LCMT1: variants seen among roughly 807,000 people sequenced by gnomAD.
LCMT1 encodes the protein leucine carboxyl methyltransferase 1.
LCMT1 carries 32 observed loss-of-function variants against 47.7 expected under a neutral mutation model. That is an observed-to-expected ratio of 0.67 (90% CI 0.51 to 0.90). The LOEUF (loss-of-function observed/expected upper bound fraction) is 0.90, where lower values mean the gene tolerates loss of function less well. LCMT1 is among the 40% of genes least tolerant of loss of function. The pLI is 0.00. For missense variants in LCMT1, 375 were observed against 415.2 expected (o/e 0.90, Z 0.84); for synonymous variants, 152 against 149.7 (o/e 1.02, Z -0.11).
intron 1 of LCMT1, among the ~76,000 whole-genome samples, chr16:25,124,125 A>G (rs958098811): frequency 8.5e-5 from 13 of 152,228 alleles, no homozygotes; most frequent in Non-Finnish European, 5.9e-5. Flanking sequence ...CTGTCTCTCA[A>G]GAGTCCATTT....
intron 3 of LCMT1, among the ~76,000 whole-genome samples, chr16:25,138,205 G>A (rs1364294845): frequency 1.3e-5 from 2 of 152,222 alleles, no homozygotes; most frequent in African/African-American, 4.8e-5. Context: ...AGGCTATAGA[G>A]TGCCTTGTTT....
intron 2 of LCMT1, among the ~76,000 whole-genome samples, 162 bp downstream of exon 2, chr16:25,128,728 G>A (rs1400941089): frequency 6.6e-6 from 1 of 151,914 alleles, no homozygotes; most frequent in Non-Finnish European, 1.5e-5. Context: ...CTTGTTTGCA[G>A]CCATAAAAAG....
At chr16:25,159,638 C>T (rs529272966) in intron 5 of LCMT1, among the ~76,000 whole-genome samples, 32 of 152,194 alleles carry the variant, frequency 2.1e-4, no homozygotes, top group African/African-American at 7.7e-4. Flanking sequence ...CCTGCTTGCC[C>T]TTTATTGCTT....
At position 25,111,858 on chromosome 16, in the gene LCMT1, C is replaced by T. The variant is rs750116472; in HGVS notation, c.-26C>T. On this transcript the variant is annotated 5_prime_UTR_variant, in exon 1 of 11. Transcript: ENST00000399069. The stretch of plus-strand genomic sequence containing the variant: ...ACCCCGCTTCCATGTCCCTGGCGGA[C>T]ACAGCTCCCAGGAACCTCCACGCCC... 3 of 1,518,128 alleles carry T rather than the reference C, an allele frequency of 2.0e-6. No individual in the cohort carries two copies. Among genetic ancestry groups the T allele is most frequent in the East Asian group, 4.6e-5 (2 of 43,950 alleles). 94.0% of individuals were successfully genotyped at this position (1,518,128 alleles called of 1,614,324 possible).
intron 3 of LCMT1, among the ~76,000 whole-genome samples, chr16:25,134,554 G>A (rs188437121): frequency 6.6e-6 from 1 of 152,202 alleles, no homozygotes; most frequent in East Asian, 1.9e-4. Context: ...TTTTTCAGGA[G>A]GGTGACCTTC....
At chr16:25,171,422 A>G (rs766800126) in intron 9 of LCMT1, among the ~76,000 whole-genome samples, 3 of 152,046 alleles carry the variant, frequency 2.0e-5, no homozygotes, top group Non-Finnish European at 2.9e-5. Context: ...AAAAAAACAA[A>G]CAAACAAACA....
At chr16:25,118,243 C>T (rs979605422) in intron 1 of LCMT1, among the ~76,000 whole-genome samples, 1 of 152,092 alleles carries the variant, frequency 6.6e-6, no homozygotes, top group African/African-American at 2.4e-5. Flanking sequence ...AGCCTCACTT[C>T]ATACCACACT....
At chr16:25,151,701 G>GTGTGTGTT (rs1391090353) in intron 5 of LCMT1, 86 bp downstream of exon 5, 11 of 724,794 alleles carry the variant, frequency 1.5e-5, no homozygotes, top group East Asian at 2.8e-5. Flanking sequence ...TGTTGGGTGT[G>GTGTGTGTT]TGTGTGTGTG....
Position 25,137,941 on chromosome 16 carries a change from A to AC in LCMT1, c.328-2223dup, listed in dbSNP as rs72336437. Among the ~76,000 whole-genome samples, 26 of 151,102 alleles carry AC rather than the reference A, an allele frequency of 1.7e-4. No homozygotes were observed. The South Asian group carries it at 4.0e-3, about 23-fold the overall frequency. On this transcript the variant is annotated intron_variant, in intron 3 of 10. Coordinates refer to ENST00000399069, the MANE Select transcript of LCMT1 (RefSeq NM_016309.3). Reference sequence around the variant, plus strand: ...ACAGGAGGTCTGCTATGCCGCACTCACCCCCCCGGGATTCATCTGTCCCTC... The same window carrying AC: ...ACAGGAGGTCTGCTATGCCGCACTCACCCCCCCCGGGATTCATCTGTCCCTC...
intron 1 of LCMT1, among the ~76,000 whole-genome samples, chr16:25,127,301 AT>A (rs59386370): frequency 6.6e-6 from 1 of 152,206 alleles, no homozygotes; most frequent in Non-Finnish European, 1.5e-5. Context: ...ACTGAAAACC[AT>A]TTTTTTAAGT....
Position 25,161,101 on chromosome 16 carries a change from G to T in LCMT1, c.467-1G>T. The T allele has an allele frequency of 6.3e-7, 1 of 1,589,224 alleles. No homozygotes were observed. Among genetic ancestry groups the T allele is most frequent in the Non-Finnish European group, 8.6e-7 (1 of 1,162,032 alleles). Reference sequence around the variant, plus strand: ...ATTATAGCCTCTGATTGCATTTGCAGATGGACACATACTGGATTCAAAGAG... The same window carrying T: ...ATTATAGCCTCTGATTGCATTTGCATATGGACACATACTGGATTCAAAGAG... On this transcript the variant is annotated splice_acceptor_variant, in intron 5 of 10. Transcript: ENST00000399069. LOFTEE classifies it high-confidence loss of function.
intron 1 of LCMT1, among the ~76,000 whole-genome samples, chr16:25,119,128 T>G (rs1038920858): frequency 6.6e-6 from 1 of 152,116 alleles, no homozygotes; most frequent in Admixed American, 6.5e-5. Flanking sequence ...ATGTATCAGA[T>G]TCTGGGTGCA....
intron 4 of LCMT1, chr16:25,140,708 T>C (rs1960660105): frequency 6.4e-6 from 1 of 156,382 alleles, no homozygotes; most frequent in African/African-American, 2.4e-5. Context: ...TCAGCGTATC[T>C]GGTTGCGCTG....
At chr16:25,117,059 G>A (rs1423683810) in intron 1 of LCMT1, among the ~76,000 whole-genome samples, 3 of 152,160 alleles carry the variant, frequency 2.0e-5, no homozygotes, top group Non-Finnish European at 2.9e-5. Flanking sequence ...GCAGTGAATC[G>A]TGGAAGGTCC....
In LCMT1 at chr16:25,178,010, A is replaced by C. The variant is rs747689686; in HGVS notation, c.992A>C (p.Glu331Ala). The C allele has an allele frequency of 1.6e-5, 26 of 1,613,672 alleles. No homozygotes were observed. The Middle Eastern group carries it at 4.9e-4, about 31-fold the overall frequency. The stretch of plus-strand genomic sequence containing the variant: ...GTGTCTCTCCCCTCAGGGCTGAAGG[A>C]GATAACTTATTAATCTGTCGAAGGC... ...TKGGNELGLK[E>A]ITY Residue 331 changes from glutamate to alanine, a missense_variant, in exon 11 of 11, where the codon GAG (glutamate) becomes GCG (alanine). Transcript: ENST00000399069.
intron 1 of LCMT1, among the ~76,000 whole-genome samples, chr16:25,125,691 G>A (rs1212456353): frequency 6.6e-6 from 1 of 151,902 alleles, no homozygotes; most frequent in Non-Finnish European, 1.5e-5. Context: ...AATTAGCCAG[G>A]CGTGGTGGCG....
intron 1 of LCMT1, among the ~76,000 whole-genome samples, chr16:25,112,204 G>A (rs1457459189): frequency 1.3e-5 from 2 of 152,204 alleles, no homozygotes; most frequent in Non-Finnish European, 2.9e-5. Context: ...CCAGGCAGGG[G>A]GCCAGCCTGG....
At chr16:25,115,323 G>C (rs991574859) in intron 1 of LCMT1, among the ~76,000 whole-genome samples, 4 of 152,158 alleles carry the variant, frequency 2.6e-5, no homozygotes, top group Admixed American at 6.5e-5. Flanking sequence ...TCTGTTGACA[G>C]TGCATTTATC....
intron 3 of LCMT1, among the ~76,000 whole-genome samples, chr16:25,134,532 C>T (rs1445912790): frequency 3.9e-5 from 6 of 152,216 alleles, no homozygotes; most frequent in Non-Finnish European, 8.8e-5. Context: ...CCCCTGCACA[C>T]AGCCTCTGTG....
Sources: gnomAD v4.1 joint callset for allele counts (sites outside exome capture counted in the v4.1 genomes callset) on GRCh38, gnomAD v4.1.1 for gene constraint, MANE v1.5 for transcripts, NCBI Gene and HGNC (gene_info 2026-07-23, HGNC 2026-07-21) for gene names.